Variants in ERBB2 observed in about 807,000 individuals in gnomAD.
The protein encoded by ERBB2 is receptor tyrosine-protein kinase erbB-2.
Under a neutral mutation model 149.0 loss-of-function variants are expected in ERBB2, and 61 were observed. That is an observed-to-expected ratio of 0.41 (90% CI 0.33 to 0.51). The LOEUF (loss-of-function observed/expected upper bound fraction) is 0.51. ERBB2 is among the 20% of genes least tolerant of loss of function. The pLI is 0.25. For synonymous variants in ERBB2, 633 were observed against 678.8 expected (o/e 0.93, Z 1.05); for missense variants, 1,205 against 1,655.1 (o/e 0.73, Z 4.72).
chr17:39,700,527 G>A (rs1209621103), intron 1 of ERBB2, among the ~76,000 whole-genome samples: 1 of 152,370 alleles, frequency 6.6e-6, no homozygotes, highest in Admixed American at 6.5e-5. Context: ...CCATCCAAGA[G>A]ACTGGCGCTT....
At chr17:39,709,146 C>T (rs553858904) in intron 3 of ERBB2, 172 bp from the exon 4 acceptor site, 126 of 708,168 alleles carry the variant, frequency 1.8e-4, no homozygotes, top group Non-Finnish European at 2.8e-4. Context: ...GTTCTTGTTG[C>T]GGGTGTGGTG....
chr17:39,713,631 T>A (rs938416211), intron 9 of ERBB2, among the ~76,000 whole-genome samples: 2 of 151,774 alleles, frequency 1.3e-5, no homozygotes, highest in African/African-American at 4.8e-5. Context: ...CATGCGCCTA[T>A]CATCCCAGCT....
chr17:39,709,150 TGTG>T (rs1434688668), intron 3 of ERBB2, 165 bp from the exon 4 acceptor site: 61 of 714,780 alleles, frequency 8.5e-5, no homozygotes, highest in Middle Eastern at 3.3e-4. Flanking sequence ...TTGTTGCGGG[TGTG>T]GTGGTGGTGG....
chr17:39,711,481 C>T (rs1028826996), intron 7 of ERBB2, among the ~76,000 whole-genome samples: 7 of 152,214 alleles, frequency 4.6e-5, no homozygotes, highest in African/African-American at 9.6e-5. Context: ...CATGAGCCAT[C>T]GTGCCTGGCC....
Position 39,727,238 on chromosome 17 carries a change from A to T in ERBB2, c.3160-57A>T, listed in dbSNP as rs2143218274. On this transcript the variant is annotated intron_variant, in intron 25 of 26. Transcript: ENST00000269571. This position sits in a 1 kb window ranked among gnomAD's most constrained non-coding sequence, Gnocchi z 4.3. Reference sequence around the variant, plus strand: ...CCTGTGACCCTGTCACCTTCCATGGAGTCCCCATCCCAGATCCGTGAGTGA... The same window carrying T: ...CCTGTGACCCTGTCACCTTCCATGGTGTCCCCATCCCAGATCCGTGAGTGA... 6.3e-7 allele frequency: 1 copy of T among 1,587,882 alleles called. No individual in the cohort carries two copies. Among genetic ancestry groups the T allele is most frequent in the Non-Finnish European group, 8.6e-7 (1 of 1,167,960 alleles).
chr17:39,711,102 G>A (rs1017967440), intron 7 of ERBB2, among the ~76,000 whole-genome samples: 3 of 151,880 alleles, frequency 2.0e-5, no homozygotes, highest in African/African-American at 2.4e-5. Context: ...GTTTCACCAC[G>A]TTGGCCAGAC....
upstream of ERBB2, chr17:39,699,458 T>TC (rs1185719928): frequency 7.9e-7 from 1 of 1,259,850 alleles, no homozygotes; most frequent in East Asian, 2.6e-5. Context: ...CAAAAGTTCG[T>TC]TTAAAAAAAA....
intron 2 of ERBB2, among the ~76,000 whole-genome samples, chr17:39,689,660 C>A (rs930019645): frequency 2.0e-5 from 3 of 152,154 alleles, no homozygotes; most frequent in South Asian, 4.1e-4. Flanking sequence ...AATCCCAGCA[C>A]TTTGGGAGGC....
Position 39,709,428 on chromosome 17 carries a change from A to G in ERBB2, c.550A>G (p.Ile184Val). 6.2e-7 allele frequency: 1 copy of G among 1,613,956 alleles called. No homozygotes were observed. The highest frequency in any genetic ancestry group is 8.5e-7 in the Non-Finnish European group (1 of 1,179,922). The change falls in exon 4 of 27, where the codon ATA becomes GTA. Residue 184 changes from isoleucine to valine, a missense_variant. Physicochemically the swap from Ile to Val is conservative, Grantham distance 29. Coordinates refer to ENST00000269571, the MANE Select transcript of ERBB2 (RefSeq NM_004448.4). ...HKNNQLALTL[I>V]DTNRSRACHP... Reference sequence around the variant, plus strand: ...GAACAACCAGCTGGCTCTCACACTGATAGACACCAACCGCTCTCGGGCCTG... The same window carrying G: ...GAACAACCAGCTGGCTCTCACACTGGTAGACACCAACCGCTCTCGGGCCTG...
Position 39,728,365 on chromosome 17 carries a change from G to A in ERBB2, c.*321G>A, listed in dbSNP as rs539073563. ...GATCCTGGGTACTGAAAGCCTTAGGGAAGCTGGCCTGAGAGGGGAAGCGGC... is the reference window on the plus strand; with the variant it reads ...GATCCTGGGTACTGAAAGCCTTAGGAAAGCTGGCCTGAGAGGGGAAGCGGC... On this transcript the variant is annotated 3_prime_UTR_variant, in exon 27 of 27. Coordinates refer to ENST00000269571, the MANE Select transcript of ERBB2 (RefSeq NM_004448.4). 4 of 309,158 alleles carry A rather than the reference G, an allele frequency of 1.3e-5. No homozygotes were observed. The South Asian group carries it at 4.3e-4, about 33-fold the overall frequency. 19.2% of individuals were successfully genotyped at this position (309,158 alleles called of 1,614,324 possible). A position where few individuals can be genotyped will look rare whatever the true frequency, so the allele number is the denominator to read the frequency against.
chr17:39,696,182 C>G (rs1164638781), upstream of ERBB2, among the ~76,000 whole-genome samples: 1 of 152,234 alleles, frequency 6.6e-6, no homozygotes, highest in Non-Finnish European at 1.5e-5. Flanking sequence ...GCCCCCCTTC[C>G]TCTCCTCTTG....
At chr17:39,697,349 G>GTTTTTTTTT (rs1452125824), upstream of ERBB2, among the ~76,000 whole-genome samples, 23 of 132,336 alleles carry the variant, frequency 1.7e-4, no homozygotes, top group East Asian at 1.1e-3. Flanking sequence ...TTGTTTTTTT[G>GTTTTTTTTT]TTTTGTTTTT....
upstream of ERBB2, among the ~76,000 whole-genome samples, chr17:39,691,910 C>CAT (rs1197226325): frequency 2.4e-5 from 2 of 83,454 alleles, no homozygotes; most frequent in Admixed American, 2.5e-4. Flanking sequence ...GATATATATA[C>CAT]ATATACATAT....
intron 16 of ERBB2, 38 bp downstream of exon 16, chr17:39,719,872 T>A: frequency 6.2e-7 from 1 of 1,604,234 alleles, no homozygotes; most frequent in African/African-American, 1.3e-5. Context: ...TCATTGCCCT[T>A]CACTCCCCCA....
chr17:39,704,431 G>A (rs1283587569), intron 1 of ERBB2, among the ~76,000 whole-genome samples: 1 of 152,194 alleles, frequency 6.6e-6, no homozygotes, highest in African/African-American at 2.4e-5. Context: ...AAATTAGCCA[G>A]GTGTGGTGTC....
In ERBB2 at chr17:39,727,337, G is replaced by A. The variant is rs754310116; in HGVS notation, c.3202G>A (p.Glu1068Lys). 6.2e-7 allele frequency: 1 copy of A among 1,612,372 alleles called. No homozygotes were observed. The highest frequency in any genetic ancestry group is 8.5e-7 in the Non-Finnish European group (1 of 1,179,532). Residue 1068 changes from glutamate (E) to lysine (K), a missense_variant, in exon 26 of 27, where the codon GAG becomes AAG. Coordinates refer to ENST00000269571, the MANE Select transcript of ERBB2 (RefSeq NM_004448.4). The surrounding 1 kb of genome is among the most constrained non-coding windows in gnomAD (Gnocchi z 4.3). ...GACACTAGGGCTGGAGCCCTCTGAA[G>A]AGGAGGCCCCCAGGTCTCCACTGGC... is the stretch of plus-strand genomic sequence containing the variant. ...DLTLGLEPSE[E>K]EAPRSPLAPS...
In ERBB2 at chr17:39,700,594, A is replaced by G. The variant is rs867934255; in HGVS notation, c.73+283A>G. 2.6e-5 allele frequency among the ~76,000 whole-genome samples: 4 copies of G among 152,280 alleles called. No individual in the cohort carries two copies. The Middle Eastern group carries it at 0.01, about 388-fold the overall frequency. The stretch of plus-strand genomic sequence containing the variant: ...AAAGAAGTTCTCTGAAATTGTTCAG[A>G]AAGTTTTCCCGCAAAGGGTGTATTG... On this transcript the variant is annotated intron_variant, in intron 1 of 26. Transcript: ENST00000269571.
At chr17:39,705,320 C>G (rs1398432820) in intron 1 of ERBB2, among the ~76,000 whole-genome samples, 2 of 152,180 alleles carry the variant, frequency 1.3e-5, no homozygotes, top group African/African-American at 4.8e-5. Context: ...GGGCCAGGGC[C>G]TGGGGTCTGG....
In ERBB2 at chr17:39,725,401, T is replaced by C. The variant is rs1185815305; in HGVS notation, c.2724T>C (p.Tyr908=). 8.6e-6 allele frequency: 13 copies of C among 1,508,290 alleles called. No individual in the cohort carries two copies. The highest frequency in any genetic ancestry group is 2.2e-5 in the South Asian group (2 of 89,118). 93.4% of individuals were successfully genotyped at this position (1,508,290 alleles called of 1,614,324 possible). The change falls in exon 22 of 27, where the codon TAT becomes TAC. Residue 908 remains tyrosine, a splice_region_variant and synonymous_variant. Transcript: ENST00000269571. The surrounding 1 kb of genome is among the most constrained non-coding windows in gnomAD (Gnocchi z 4.6). ...CCCACCAGAGTGATGTGTGGAGTTATGGTGTGTGATGGGGGGTGTTGGGAG... is the reference window on the plus strand; with the variant it reads ...CCCACCAGAGTGATGTGTGGAGTTACGGTGTGTGATGGGGGGTGTTGGGAG... The part of the protein sequence containing the change: ...RFTHQSDVWS[Y]GVTVWELMTF...
Sources: allele counts gnomAD v4.1 joint callset (sites outside exome capture counted in the v4.1 genomes callset), GRCh38; gene constraint gnomAD v4.1.1; non-coding constraint Gnocchi (gnomAD v3.1); transcripts MANE v1.5; gene names NCBI Gene and HGNC (gene_info 2026-07-23, HGNC 2026-07-21).